Variants in CNTNAP2 observed in about 807,000 individuals in gnomAD.
CNTNAP2 encodes the protein contactin associated protein 2, also known as contactin-associated protein-like 2.
CNTNAP2 carries 98 observed loss-of-function variants against 155.2 expected under a neutral mutation model. The observed-to-expected ratio is 0.63, with a 90% CI of 0.54 to 0.75. CNTNAP2 has a LOEUF of 0.75. Among genes scored for constraint, CNTNAP2 ranks in the 30% least tolerant of loss-of-function variants. The pLI is 0.00. For synonymous variants in CNTNAP2, 651 were observed against 631.2 expected (o/e 1.03, Z -0.47); for missense variants, 1,727 against 1,688.1 (o/e 1.02, Z -0.40).
intron 8 of CNTNAP2, among the ~76,000 whole-genome samples, chr7:147,286,649 A>G (rs992885607): frequency 3.3e-5 from 5 of 152,106 alleles, no homozygotes; most frequent in African/African-American, 4.8e-5. Context: ...AGTGCATACA[A>G]ATTTGGGGTA....
chr7:147,604,624 A>G (rs1801027085), intron 12 of CNTNAP2, among the ~76,000 whole-genome samples: 1 of 152,118 alleles, frequency 6.6e-6, no homozygotes, highest in Admixed American at 6.5e-5. Flanking sequence ...AGCATAATTC[A>G]TTTACCTCTG....
At chr7:147,198,913 C>T (rs966018549) in intron 8 of CNTNAP2, among the ~76,000 whole-genome samples, 2 of 149,484 alleles carry the variant, frequency 1.3e-5, no homozygotes, top group African/African-American at 4.9e-5. Flanking sequence ...CAAGAAAGAG[C>T]AATGGCCTGG....
chr7:147,253,098 A>G (rs879525819), intron 8 of CNTNAP2, among the ~76,000 whole-genome samples: 2 of 152,226 alleles, frequency 1.3e-5, no homozygotes, highest in Non-Finnish European at 2.9e-5. Context: ...GGAGAGAATA[A>G]CATGCCTAGT....
At chr7:146,398,186 T>TTTTTTTTTTC (rs1795661237) in intron 1 of CNTNAP2, among the ~76,000 whole-genome samples, 1 of 139,220 alleles carries the variant, frequency 7.2e-6, no homozygotes, top group African/African-American at 2.7e-5. Flanking sequence ...GCCCCAAACT[T>TTTTTTTTTTC]TTTTTTTTTT....
At chr7:146,245,449 AT>A (rs1159913252) in intron 1 of CNTNAP2, among the ~76,000 whole-genome samples, 2 of 152,166 alleles carry the variant, frequency 1.3e-5, no homozygotes, top group African/African-American at 2.4e-5. Flanking sequence ...CTCTAAAAGT[AT>A]TAGGGCGGCA....
At chr7:147,448,180 T>C (rs1797772659) in intron 10 of CNTNAP2, among the ~76,000 whole-genome samples, 1 of 152,138 alleles carries the variant, frequency 6.6e-6, no homozygotes, top group African/African-American at 2.4e-5. Flanking sequence ...ATTTTCCTCA[T>C]CTTCCCTCTG....
intron 1 of CNTNAP2, among the ~76,000 whole-genome samples, chr7:146,656,908 C>A (rs533376938): frequency 6.6e-6 from 1 of 152,158 alleles, no homozygotes; most frequent in Non-Finnish European, 1.5e-5. Context: ...AACATTTTCT[C>A]ATAGCCTTTA....
chr7:147,625,902 G>T (rs1403917094), intron 12 of CNTNAP2, among the ~76,000 whole-genome samples: 1 of 152,190 alleles, frequency 6.6e-6, no homozygotes, highest in Non-Finnish European at 1.5e-5. Flanking sequence ...CAGATCATGA[G>T]ATTATGGAAG....
chr7:147,303,248 T>G (rs1204390610), intron 9 of CNTNAP2, among the ~76,000 whole-genome samples: 3 of 152,234 alleles, frequency 2.0e-5, no homozygotes, highest in Non-Finnish European at 4.4e-5. Flanking sequence ...TCTTTAACAT[T>G]TATGCTATCT....
intron 4 of CNTNAP2, among the ~76,000 whole-genome samples, chr7:147,046,426 T>A (rs1417046550): frequency 6.6e-6 from 1 of 152,274 alleles, no homozygotes; most frequent in Non-Finnish European, 1.5e-5. Flanking sequence ...GAGAATTATC[T>A]GTGCTGATAT....
chr7:146,335,137 G>A (rs1801252604), intron 1 of CNTNAP2, among the ~76,000 whole-genome samples: 1 of 152,194 alleles, frequency 6.6e-6, no homozygotes, highest in Admixed American at 6.5e-5. Flanking sequence ...ATGATTTGAA[G>A]ATTTCCACTG....
In CNTNAP2 at chr7:148,410,135, TAGC is replaced by T. The variant is rs780595116; in HGVS notation, c.3796+667_3796+669del. ...TTAATGCTGGCTTGTAAAAAACAAATAGCAGTGGAAAGCTGGACAGACTCAGAA... is the reference window on the plus strand; with the variant it reads ...TTAATGCTGGCTTGTAAAAAACAAATAGTGGAAAGCTGGACAGACTCAGAA... On this transcript the variant is annotated intron_variant, in intron 23 of 23. Transcript: ENST00000361727. Among the ~76,000 whole-genome samples the T allele has an allele frequency of 4.2e-4, 63 of 150,914 alleles. 1 individual carries two copies. The highest frequency in any genetic ancestry group is 8.0e-4 in the Non-Finnish European group (54 of 67,798).
chr7:148,208,845 C>T (rs1446425549), intron 18 of CNTNAP2, among the ~76,000 whole-genome samples: 1 of 152,096 alleles, frequency 6.6e-6, no homozygotes, highest in Non-Finnish European at 1.5e-5. Flanking sequence ...TGGCCTCATT[C>T]AGACCTCGTG....
chr7:146,940,935 T>G (rs1797043664), intron 3 of CNTNAP2, among the ~76,000 whole-genome samples: 1 of 152,144 alleles, frequency 6.6e-6, no homozygotes, highest in Admixed American at 6.5e-5. Context: ...TTTTTACAGC[T>G]TTTGACTTAA....
intron 13 of CNTNAP2, among the ~76,000 whole-genome samples, chr7:147,773,122 A>C (rs1338498660): frequency 6.6e-6 from 1 of 152,214 alleles, no homozygotes; most frequent in Non-Finnish European, 1.5e-5. Context: ...CCTAGCATGC[A>C]TAGGATCTTT....
chr7:146,453,228 A>G (rs914311806), intron 1 of CNTNAP2, among the ~76,000 whole-genome samples: 4 of 152,214 alleles, frequency 2.6e-5, no homozygotes, highest in Admixed American at 6.5e-5. Context: ...GTAAATAACT[A>G]CTGAAATGAT....
intron 13 of CNTNAP2, among the ~76,000 whole-genome samples, chr7:147,708,015 C>A (rs546886690): frequency 3.9e-5 from 6 of 152,024 alleles, no homozygotes; most frequent in Non-Finnish European, 8.8e-5. Flanking sequence ...GACTGGTGGA[C>A]CTGTCCTCAG....
chr7:147,186,555 T>C (rs1179926818), intron 8 of CNTNAP2, among the ~76,000 whole-genome samples: 1 of 152,138 alleles, frequency 6.6e-6, no homozygotes, highest in Non-Finnish European at 1.5e-5. Flanking sequence ...TTGGACCCTT[T>C]ATAGAGGGAA....
At chr7:146,262,313 C>T (rs892338889) in intron 1 of CNTNAP2, among the ~76,000 whole-genome samples, 1 of 152,162 alleles carries the variant, frequency 6.6e-6, no homozygotes, top group Non-Finnish European at 1.5e-5. Flanking sequence ...TCACTAAAAT[C>T]CTTGCCCCCC....
Sources: gnomAD v4.1 joint callset for allele counts (sites outside exome capture counted in the v4.1 genomes callset) on GRCh38, gnomAD v4.1.1 for gene constraint, MANE v1.5 for transcripts, NCBI Gene and HGNC (gene_info 2026-07-23, HGNC 2026-07-21) for gene names.